The following NPRL3 variants were observed in gnomAD, a reference collection of about 807,000 sequenced individuals.
NPRL3 encodes GATOR1 complex protein NPRL3.
Under a neutral mutation model 57.2 loss-of-function variants are expected in NPRL3, and 23 were observed. The observed-to-expected ratio is 0.40, with a 90% confidence interval of 0.29 to 0.57. NPRL3 has a LOEUF of 0.57. Ranked by LOEUF, NPRL3 falls within the 20% of genes least tolerant of loss-of-function variation. The probability of loss-of-function intolerance (pLI) is 0.42; values close to 1 mark genes in which losing one functional copy is unlikely to be tolerated. For synonymous variants in NPRL3, 333 were observed against 321.1 expected, an observed-to-expected ratio of 1.04 and a Z score of -0.39; for missense variants, 691 against 767.1, an observed-to-expected ratio of 0.90 and a Z score of 1.17.
chr16:131,152 T>C (rs569900700), intron 2 of NPRL3, among the ~76,000 whole-genome samples: 1 of 152,138 alleles, frequency 6.6e-6, no homozygotes, highest in East Asian at 1.9e-4. Flanking sequence ...CTGGCCAACA[T>C]GGCGAAACCC....
intron 9 of NPRL3, 44 bp downstream of exon 9, chr16:98,101 C>A: frequency 1.3e-6 from 2 of 1,595,020 alleles, no homozygotes; most frequent in South Asian, 1.1e-5. Flanking sequence ...TCCTGATGCC[C>A]CAGCACCGCC....
intron 2 of NPRL3, among the ~76,000 whole-genome samples, chr16:134,183 A>G (rs1482368491): frequency 6.6e-6 from 1 of 152,144 alleles, no homozygotes; most frequent in African/African-American, 2.4e-5. Context: ...TGAACTTTCA[A>G]TTTGTAGAAA....
At position 103,296 on chromosome 16, in the gene NPRL3, A is replaced by ATTTTTTTTTTTTTTTTTTTTTTTTTTTTT. The variant is rs533871530; in HGVS notation, c.630-2816_630-2788dup. Reference sequence around the variant, plus strand: ...GACGTGCAACATCACGCCTGGGGTGATTTTTTTTTTTTTTTTTTTTTTTTT... The same window carrying ATTTTTTTTTTTTTTTTTTTTTTTTTTTTT: ...GACGTGCAACATCACGCCTGGGGTGATTTTTTTTTTTTTTTTTTTTTTTTTTTTTTTTTTTTTTTTTTTTTTTTTTTTTT... On this transcript the variant is annotated intron_variant, in intron 7 of 13. Coordinates refer to ENST00000611875, the MANE Select transcript of NPRL3 (RefSeq NM_001077350.3). Among the ~76,000 whole-genome samples the ATTTTTTTTTTTTTTTTTTTTTTTTTTTTT allele has an allele frequency of 1.2e-4, 5 of 42,126 alleles. 2 individuals are homozygous for ATTTTTTTTTTTTTTTTTTTTTTTTTTTTT. Among genetic ancestry groups the ATTTTTTTTTTTTTTTTTTTTTTTTTTTTT allele is most frequent in the African/African-American group, 3.1e-4 (3 of 9,540 alleles). The allele number at this position is 42,126 out of a possible 152,430, so 27.6% of individuals were successfully genotyped here.
Position 88,784 on chromosome 16 carries a change from C to A in NPRL3, c.1458G>T (p.Leu486=). The change falls in exon 13 of 14, where the codon CTG becomes CTT. Residue 486 remains leucine (L), a synonymous_variant. Coordinates refer to ENST00000611875, the MANE Select transcript of NPRL3 (RefSeq NM_001077350.3). Reference sequence around the variant, plus strand: ...GTTCATGCTCCGACAGGCTGGCCAGCAGGTTCTCCGTCATCCTCTGGTTCA... The same window carrying A: ...GTTCATGCTCCGACAGGCTGGCCAGAAGGTTCTCCGTCATCCTCTGGTTCA... ...SPLNQRMTEN[L]LASLSEHERA... The A allele has an allele frequency of 6.2e-7, 1 of 1,613,492 alleles. No individual in the cohort carries two copies. The highest frequency in any genetic ancestry group is 8.5e-7 in the Non-Finnish European group (1 of 1,179,786).
At position 138,353 on chromosome 16, in the gene NPRL3, GAGGC is replaced by G; in HGVS notation, c.-67-23_-67-20del. On this transcript the variant is annotated intron_variant, in intron 1 of 13. Transcript: ENST00000611875. ...AGGGGGCCTGAGGAGGACGGAGCCG[GAGGC>G]GGAGGGGGCCTGAGGAGGACGAGGC... 1 of 1,063,040 alleles carries G rather than the reference GAGGC, an allele frequency of 9.4e-7. No homozygotes were observed. The highest frequency in any genetic ancestry group is 1.4e-6 in the Non-Finnish European group (1 of 739,254). 65.9% of individuals were successfully genotyped at this position (1,063,040 alleles called of 1,614,324 possible).
chr16:98,758 T>C (rs1372416987), intron 8 of NPRL3, among the ~76,000 whole-genome samples: 1 of 152,156 alleles, frequency 6.6e-6, no homozygotes, highest in Non-Finnish European at 1.5e-5. Context: ...GCCAACATGG[T>C]GAAACCCCAT....
intron 8 of NPRL3, 32 bp downstream of exon 8, chr16:100,340 C>G: frequency 6.9e-7 from 1 of 1,456,876 alleles, no homozygotes; most frequent in Non-Finnish European, 9.1e-7. Flanking sequence ...AGGGCCCTGG[C>G]AGGGAGTGAG....
At chr16:103,930 C>A (rs1298048044) in intron 7 of NPRL3, among the ~76,000 whole-genome samples, 1 of 152,166 alleles carries the variant, frequency 6.6e-6, no homozygotes, top group African/African-American at 2.4e-5. Context: ...GACTGACCAA[C>A]AGGGAGAAAC....
intron 7 of NPRL3, among the ~76,000 whole-genome samples, chr16:107,073 G>C (rs1196263845): frequency 6.6e-6 from 1 of 152,222 alleles, no homozygotes; most frequent in African/African-American, 2.4e-5. Context: ...GTTAGGGTGG[G>C]AGTTTGGATG....
intron 3 of NPRL3, among the ~76,000 whole-genome samples, chr16:127,403 T>C (rs1388313070): frequency 6.6e-6 from 1 of 151,516 alleles, no homozygotes; most frequent in East Asian, 2.0e-4. Context: ...CCCAGCTAAT[T>C]TTTGTATTTT....
intron 5 of NPRL3, among the ~76,000 whole-genome samples, chr16:116,603 T>C (rs1900041835): frequency 6.6e-6 from 1 of 151,794 alleles, no homozygotes; most frequent in Non-Finnish European, 1.5e-5. Flanking sequence ...GGGAAGACCA[T>C]TTGAGACCAG....
intron 7 of NPRL3, among the ~76,000 whole-genome samples, chr16:103,138 G>A (rs1320421818): frequency 6.6e-6 from 1 of 151,646 alleles, no homozygotes; most frequent in East Asian, 1.9e-4. Context: ...GAAATAAAAG[G>A]TCTATTTTTT....
At chr16:103,745 G>A (rs993414465) in intron 7 of NPRL3, among the ~76,000 whole-genome samples, 14 of 152,182 alleles carry the variant, frequency 9.2e-5, no homozygotes, top group African/African-American at 3.1e-4. Context: ...CTGGGAGGCC[G>A]AGGCAGGCCG....
intron 2 of NPRL3, among the ~76,000 whole-genome samples, chr16:137,633 T>C (rs1313003149): frequency 6.6e-6 from 1 of 151,266 alleles, no homozygotes; most frequent in Non-Finnish European, 1.5e-5. Context: ...CACTGAAACC[T>C]CCGCCTCCCG....
At chr16:98,036 C>A in intron 9 of NPRL3, 109 bp downstream of exon 9, 1 of 1,367,132 alleles carries the variant, frequency 7.3e-7, no homozygotes, top group Non-Finnish European at 1.0e-6. Context: ...GGCTGTGCCG[C>A]GGCTCTCAGC....
Position 108,838 on chromosome 16 carries a change from T to C in NPRL3, c.629+1687A>G, listed in dbSNP as rs138019516. Among the ~76,000 whole-genome samples, 323 of 151,046 alleles carry C rather than the reference T, an allele frequency of 2.1e-3. 1 individual carries two copies. The highest frequency in any genetic ancestry group is 7.6e-3 in the African/African-American group (312 of 41,092). Reference sequence around the variant, plus strand: ...GGCATGCACCACCACGCCCGGCTAATTTTTTGTATTTTTAGTAGACAGCGG... The same window carrying C: ...GGCATGCACCACCACGCCCGGCTAACTTTTTGTATTTTTAGTAGACAGCGG... On this transcript the variant is annotated intron_variant, in intron 7 of 13. Transcript: ENST00000611875.
chr16:134,228 T>C (rs1278853718), intron 2 of NPRL3, among the ~76,000 whole-genome samples: 1 of 150,920 alleles, frequency 6.6e-6, no homozygotes, highest in Non-Finnish European at 1.5e-5. Flanking sequence ...TATGCACATG[T>C]ACACACACAC....
chr16:129,544 T>C (rs1237723248), intron 3 of NPRL3, among the ~76,000 whole-genome samples: 1 of 152,122 alleles, frequency 6.6e-6, no homozygotes, highest in Non-Finnish European at 1.5e-5. Flanking sequence ...TGGTCAGGCA[T>C]GGTGGCTTAT....
rs1901260907 is a variant in NPRL3 at position 138,637 on chromosome 16, C to A, written c.-68+5G>T. On this transcript the variant is annotated splice_donor_5th_base_variant and intron_variant, in intron 1 of 13. Coordinates refer to ENST00000611875, the MANE Select transcript of NPRL3 (RefSeq NM_001077350.3). Reference sequence around the variant, plus strand: ...TGGACGCGGAGCAGCGCCACAGTTACCAACCCACGTGCCACGCTCCGGGCT... The same window carrying A: ...TGGACGCGGAGCAGCGCCACAGTTAACAACCCACGTGCCACGCTCCGGGCT... 1 of 206,522 alleles carries A rather than the reference C, an allele frequency of 4.8e-6. No homozygotes were observed. Among genetic ancestry groups the A allele is most frequent in the Middle Eastern group, 1.7e-3 (1 of 606 alleles). The allele number at this position is 206,522 out of a possible 1,614,324, so 12.8% of individuals were successfully genotyped here.
Sources: allele counts gnomAD v4.1 joint callset (sites outside exome capture counted in the v4.1 genomes callset), GRCh38; gene constraint gnomAD v4.1.1; transcripts MANE v1.5; gene names NCBI Gene and HGNC (gene_info 2026-07-23, HGNC 2026-07-21).